RFX8: variants seen among roughly 807,000 people sequenced by gnomAD.
RFX8 encodes DNA-binding protein RFX8.
RFX8 carries 46 observed loss-of-function variants against 54.6 expected under a neutral mutation model. That is an observed-to-expected ratio of 0.84 (90% CI 0.67 to 1.08). The LOEUF (loss-of-function observed/expected upper bound fraction) is 1.08, where lower values mean the gene tolerates loss of function less well. Among genes scored for constraint, RFX8 ranks in the 50% least tolerant of loss-of-function variants. The pLI, the probability that RFX8 is intolerant of heterozygous loss-of-function variation, is 0.00. For synonymous variants in RFX8, 192 were observed against 209.5 expected, an observed-to-expected ratio of 0.92 and a Z score of 0.72; for missense variants, 536 against 562.3, an observed-to-expected ratio of 0.95 and a Z score of 0.47.
intron 1 of RFX8, among the ~76,000 whole-genome samples, chr2:101,472,143 C>A (rs1690035364): frequency 1.3e-5 from 2 of 152,178 alleles, no homozygotes; most frequent in African/African-American, 4.8e-5. Flanking sequence ...TCTTGTCGCC[C>A]ACGCTGAAGC....
chr2:101,465,497 A>G (rs1689522933), intron 2 of RFX8, among the ~76,000 whole-genome samples: 1 of 152,228 alleles, frequency 6.6e-6, no homozygotes, highest in African/African-American at 2.4e-5. Context: ...CGACAGGGCA[A>G]GACTCTGTCT....
rs1686729059 is a variant in RFX8 at position 101,419,441 on chromosome 2, G to A, written c.238-477C>T. On this transcript the variant is annotated intron_variant, in intron 4 of 11. Coordinates refer to ENST00000428343, the MANE Select transcript of RFX8 (RefSeq NM_001145664.2). ...ACGACTGTGGAAGGAAAAGGAGACT[G>A]GCGTGGTTCTACACAGGAGCCTTCT... 2.0e-5 allele frequency among the ~76,000 whole-genome samples: 3 copies of A among 152,168 alleles called. 1 individual carries two copies. In the South Asian group the frequency reaches 6.2e-4, roughly 32 times the overall value.
chr2:101,461,111 CA>C (rs764174926), intron 2 of RFX8, among the ~76,000 whole-genome samples: 3 of 149,542 alleles, frequency 2.0e-5, no homozygotes, highest in Admixed American at 6.7e-5. Context: ...TACTAAAATA[CA>C]AAAAAAAATT....
At chr2:101,431,684 G>A (rs1335494834) in intron 2 of RFX8, among the ~76,000 whole-genome samples, 1 of 152,118 alleles carries the variant, frequency 6.6e-6, no homozygotes, top group African/African-American at 2.4e-5. Context: ...TGGGAGCTTT[G>A]GACTAATGAG....
chr2:101,454,055 C>G (rs959487499), intron 2 of RFX8, among the ~76,000 whole-genome samples: 3 of 151,742 alleles, frequency 2.0e-5, no homozygotes. Context: ...CCCAGCCCCC[C>G]ACCCCCGACA....
intron 1 of RFX8, among the ~76,000 whole-genome samples, chr2:101,469,092 A>AT (rs1558896854): frequency 5.5e-4 from 9 of 16,234 alleles, no homozygotes; most frequent in African/African-American, 1.0e-3. Flanking sequence ...GTATATATAT[A>AT]AGTATATATA....
chr2:101,418,566 C>A (rs1165638034), intron 5 of RFX8, among the ~76,000 whole-genome samples: 1 of 152,240 alleles, frequency 6.6e-6, no homozygotes, highest in African/African-American at 2.4e-5. Flanking sequence ...TTTAGAATGT[C>A]TTCTTTTACA....
intron 1 of RFX8, among the ~76,000 whole-genome samples, chr2:101,468,837 T>A (rs1355650063): frequency 6.6e-6 from 1 of 151,142 alleles, no homozygotes; most frequent in Non-Finnish European, 1.5e-5. Context: ...ACACTTCAGA[T>A]ACTTCACAAT....
chr2:101,440,107 T>TAAA (rs112330593), intron 2 of RFX8, among the ~76,000 whole-genome samples: 121 of 150,088 alleles, frequency 8.1e-4, no homozygotes, highest in South Asian at 7.7e-3. Flanking sequence ...TGCTGAGATT[T>TAAA]TAAAAAAAAA....
At chr2:101,473,131 C>A (rs1690102276) in intron 1 of RFX8, among the ~76,000 whole-genome samples, 1 of 152,140 alleles carries the variant, frequency 6.6e-6, no homozygotes, top group Admixed American at 6.5e-5. Context: ...CCATCATAAG[C>A]CCCCTGGTTA....
intron 11 of RFX8, 39 bp from the exon 12 acceptor site, chr2:101,397,763 A>G: frequency 1.3e-6 from 2 of 1,497,010 alleles, no homozygotes; most frequent in Non-Finnish European, 1.8e-6. Context: ...AGATAAAAAG[A>G]GACAGATACT....
At chr2:101,436,769 A>G (rs972209704) in intron 2 of RFX8, among the ~76,000 whole-genome samples, 1 of 152,154 alleles carries the variant, frequency 6.6e-6, no homozygotes, top group African/African-American at 2.4e-5. Flanking sequence ...ATGGGGACTG[A>G]CCACCTCCAG....
rs940886520 is a variant in RFX8 at position 101,417,549 on chromosome 2, T to C, written c.487A>G (p.Ile163Val). 1 of 1,548,180 alleles carries C rather than the reference T, an allele frequency of 6.5e-7. No individual in the cohort carries two copies. Among genetic ancestry groups the C allele is most frequent in the African/African-American group, 1.4e-5 (1 of 72,890 alleles). The change falls in exon 6 of 12, where the codon ATC becomes GTC. Residue 163 changes from isoleucine to valine, a missense_variant. Ile to Val is a conservative substitution (Grantham distance 29). Transcript: ENST00000428343. ...ALEGVPALLQ[I>V]SKLKEVTLFV... ...CGAAACCTACCTTTGAGTTTGGAGA[T>C]CTGCAAGAGGGCTGGAACACCTTCC...
At chr2:101,427,697 C>G (rs897614315) in intron 2 of RFX8, among the ~76,000 whole-genome samples, 2 of 152,160 alleles carry the variant, frequency 1.3e-5, no homozygotes, top group African/African-American at 4.8e-5. Flanking sequence ...CCTCCCACAG[C>G]CCCTCTCCCG....
rs760555026 is a variant in RFX8 at position 101,405,903 on chromosome 2, A to C, written c.928+40T>G. 6 of 1,257,384 alleles carry C rather than the reference A, an allele frequency of 4.8e-6. No homozygotes were observed. The South Asian group carries it at 5.9e-5, about 12-fold the overall frequency. The allele number at this position is 1,257,384 out of a possible 1,614,324, so 77.9% of individuals were successfully genotyped here. ...TACTTATGCCATAATGACATTTTTA[A>C]AAGGTAGAATACAAAATACTTTCTT... On this transcript the variant is annotated intron_variant, in intron 10 of 11. Transcript: ENST00000428343.
At chr2:101,449,728 A>G (rs894370420) in intron 2 of RFX8, among the ~76,000 whole-genome samples, 4 of 152,174 alleles carry the variant, frequency 2.6e-5, no homozygotes, top group African/African-American at 9.7e-5. Context: ...AGAAGGATTC[A>G]GGAGTCATCC....
intron 1 of RFX8, chr2:101,474,292 TG>T: frequency 2.0e-6 from 1 of 506,192 alleles, no homozygotes; most frequent in Non-Finnish European, 3.4e-6. Flanking sequence ...GCCCCGGGCC[TG>T]CAGCACCGAG....
chr2:101,417,601 TTTC>T lies in RFX8; in HGVS notation c.432_434del (p.Lys145del). On this transcript the variant is annotated inframe_deletion, in exon 6 of 12. Transcript: ENST00000428343. ...AAGCATTAAGGAGCCACAGCTTAAATTTCTTACTAAATAACTGCACAGATTTCA... is the reference window on the plus strand; with the variant it reads ...AAGCATTAAGGAGCCACAGCTTAAATTTACTAAATAACTGCACAGATTTCA... 1 of 1,551,778 alleles carries T rather than the reference TTTC, an allele frequency of 6.4e-7. No individual in the cohort carries two copies. Among genetic ancestry groups the T allele is most frequent in the Non-Finnish European group, 8.7e-7 (1 of 1,146,914 alleles).
intron 2 of RFX8, among the ~76,000 whole-genome samples, chr2:101,439,713 T>C (rs757668263): frequency 8.1e-6 from 1 of 123,114 alleles, no homozygotes; most frequent in Non-Finnish European, 1.9e-5. Flanking sequence ...CATATTTAAG[T>C]AGATTTTTTT....
Sources: gnomAD v4.1 joint callset for allele counts (sites outside exome capture counted in the v4.1 genomes callset) on GRCh38, gnomAD v4.1.1 for gene constraint, MANE v1.5 for transcripts, NCBI Gene and HGNC (gene_info 2026-07-23, HGNC 2026-07-21) for gene names.